GKAP1: variants seen among roughly 807,000 people sequenced by gnomAD.
GKAP1 encodes G kinase-anchoring protein 1.
Under a neutral mutation model 56.7 loss-of-function variants are expected in GKAP1, and 31 were observed. The observed-to-expected ratio is 0.55, with a 90% CI of 0.41 to 0.74. The LOEUF (loss-of-function observed/expected upper bound fraction) is 0.74. GKAP1 is among the 30% of genes least tolerant of loss of function. The pLI, the probability that GKAP1 is intolerant of heterozygous loss-of-function variation, is 0.00. For synonymous variants in GKAP1, 151 were observed against 138.6 expected (o/e 1.09, Z -0.63); for missense variants, 364 against 402.3 (o/e 0.90, Z 0.82).
At chr9:83,810,039 T>C (rs997551477) in intron 2 of GKAP1, among the ~76,000 whole-genome samples, 2 of 152,180 alleles carry the variant, frequency 1.3e-5, no homozygotes, top group Non-Finnish European at 2.9e-5. Context: ...CTCCAACTCC[T>C]GGGCTCAAGT....
chr9:83,800,498 T>C (rs1296247717), intron 3 of GKAP1, among the ~76,000 whole-genome samples: 4 of 151,786 alleles, frequency 2.6e-5, no homozygotes, highest in Non-Finnish European at 5.9e-5. Context: ...CACGCCCAGA[T>C]ACTTTTTCTA....
intron 3 of GKAP1, among the ~76,000 whole-genome samples, chr9:83,800,474 C>T (rs903625996): frequency 6.6e-6 from 1 of 151,914 alleles, no homozygotes; most frequent in Non-Finnish European, 1.5e-5. Context: ...GCTGGGATTA[C>T]AGTCACATGC....
intron 3 of GKAP1, among the ~76,000 whole-genome samples, chr9:83,805,980 G>A (rs1944433812): frequency 3.3e-5 from 5 of 152,128 alleles, no homozygotes; most frequent in South Asian, 2.1e-4. Context: ...AGCCAGGCAT[G>A]GCAGTGTGTG....
chr9:83,794,791 A>T (rs1944216566), intron 4 of GKAP1, among the ~76,000 whole-genome samples: 1 of 152,244 alleles, frequency 6.6e-6, no homozygotes, highest in Admixed American at 6.5e-5. Flanking sequence ...ACATCTACAC[A>T]GAGATTTATT....
chr9:83,764,124 G>A (rs570142063), intron 8 of GKAP1, among the ~76,000 whole-genome samples: 1 of 152,274 alleles, frequency 6.6e-6, no homozygotes, highest in South Asian at 2.1e-4. Flanking sequence ...GAAAAAGGAA[G>A]AAGTGAATAT....
intron 8 of GKAP1, among the ~76,000 whole-genome samples, chr9:83,755,492 G>T (rs1236679705): frequency 6.6e-6 from 1 of 151,854 alleles, no homozygotes; most frequent in African/African-American, 2.4e-5. Flanking sequence ...AATAATCATG[G>T]AATAATACTG....
At chr9:83,796,067 GTTCTT>G (rs1231553425) in intron 4 of GKAP1, among the ~76,000 whole-genome samples, 1 of 152,024 alleles carries the variant, frequency 6.6e-6, no homozygotes, top group Non-Finnish European at 1.5e-5. Context: ...TAAATTTGGT[GTTCTT>G]TTCAAGCTTA....
At position 83,739,576 on chromosome 9, in the gene GKAP1, G is replaced by T; in HGVS notation, c.*121C>A. 2 of 604,782 alleles carry T rather than the reference G, an allele frequency of 3.3e-6. No individual in the cohort carries two copies. Among genetic ancestry groups the T allele is most frequent in the Non-Finnish European group, 5.7e-6 (2 of 351,744 alleles). 37.5% of individuals were successfully genotyped at this position (604,782 alleles called of 1,614,324 possible). On this transcript the variant is annotated 3_prime_UTR_variant, in exon 13 of 13. Coordinates refer to ENST00000376371, the MANE Select transcript of GKAP1 (RefSeq NM_025211.4). ...AAAATTATAGACCATTAGGGAGCTA[G>T]TTGCTTTTAGTTCCTTCAAGAAAAA...
At chr9:83,750,939 G>A (rs1348628709) in intron 9 of GKAP1, among the ~76,000 whole-genome samples, 1 of 152,044 alleles carries the variant, frequency 6.6e-6, no homozygotes, top group Non-Finnish European at 1.5e-5. Flanking sequence ...AGGTTCGAGC[G>A]ATTCTCCTGC....
chr9:83,773,177 A>G (rs912607861), intron 7 of GKAP1, among the ~76,000 whole-genome samples: 1 of 152,240 alleles, frequency 6.6e-6, no homozygotes, highest in Non-Finnish European at 1.5e-5. Context: ...TATACAATGA[A>G]ATACTATTCA....
At chr9:83,772,243 G>C (rs1943775522) in intron 7 of GKAP1, among the ~76,000 whole-genome samples, 1 of 152,086 alleles carries the variant, frequency 6.6e-6, no homozygotes, top group African/African-American at 2.4e-5. Flanking sequence ...GCTTATGTAA[G>C]TATAGACATA....
intron 3 of GKAP1, among the ~76,000 whole-genome samples, chr9:83,804,259 G>A (rs1365563841): frequency 6.8e-6 from 1 of 146,690 alleles, no homozygotes; most frequent in African/African-American, 2.5e-5. Flanking sequence ...GGGGGGCTCA[G>A]CCCCCCGCCC....
chr9:83,784,990 C>A (rs1944040392), intron 5 of GKAP1, 152 bp from the exon 6 acceptor site: 3 of 504,764 alleles, frequency 5.9e-6, no homozygotes. Context: ...TAAAGAGATA[C>A]CTCTTTATTC....
At chr9:83,744,952 A>G (rs892397105) in intron 10 of GKAP1, among the ~76,000 whole-genome samples, 3 of 152,158 alleles carry the variant, frequency 2.0e-5, no homozygotes, top group African/African-American at 7.2e-5. Flanking sequence ...CATGGGGGAA[A>G]GCACCCCCAT....
chr9:83,765,205 G>C (rs1213489614), intron 8 of GKAP1, among the ~76,000 whole-genome samples: 2 of 152,248 alleles, frequency 1.3e-5, no homozygotes, highest in Non-Finnish European at 2.9e-5. Flanking sequence ...TTTTGCTTCA[G>C]AGGGTGCAAG....
chr9:83,803,131 C>T (rs1455249081), intron 3 of GKAP1, among the ~76,000 whole-genome samples: 1 of 152,112 alleles, frequency 6.6e-6, no homozygotes, highest in Non-Finnish European at 1.5e-5. Flanking sequence ...AACAACTAGT[C>T]ATATGATTTT....
chr9:83,793,581 T>C (rs568964505), intron 4 of GKAP1, among the ~76,000 whole-genome samples: 1 of 152,338 alleles, frequency 6.6e-6, no homozygotes, highest in South Asian at 2.1e-4. Flanking sequence ...ATTTTTGTTG[T>C]ATGCTTTATC....
rs150410071 is a variant in GKAP1, at chr9:83,782,857, C to A, written c.562+1858G>T. Reference sequence around the variant, plus strand: ...CTACTCTTTGTATTTTTAGTAGAGACAGGGTTTCACCATGTTGGCCAGGCT... The same window carrying A: ...CTACTCTTTGTATTTTTAGTAGAGAAAGGGTTTCACCATGTTGGCCAGGCT... On this transcript the variant is annotated intron_variant, in intron 6 of 12. Coordinates refer to ENST00000376371, the MANE Select transcript of GKAP1 (RefSeq NM_025211.4). Among the ~76,000 whole-genome samples, 1,040 of 146,908 alleles carry A rather than the reference C, an allele frequency of 7.1e-3. 15 individuals carry two copies. Among genetic ancestry groups the A allele is most frequent in the African/African-American group, 0.025 (995 of 39,734 alleles).
intron 8 of GKAP1, 29 bp downstream of exon 8, chr9:83,768,789 A>G: frequency 6.3e-7 from 1 of 1,585,650 alleles, no homozygotes. Flanking sequence ...TTTCACTGTG[A>G]TTTTAAGAGA....
Sources: gnomAD v4.1 joint callset for allele counts (sites outside exome capture counted in the v4.1 genomes callset) on GRCh38, gnomAD v4.1.1 for gene constraint, MANE v1.5 for transcripts, NCBI Gene and HGNC (gene_info 2026-07-23, HGNC 2026-07-21) for gene names.